The following ZSWIM5 variants were observed in gnomAD, a reference collection of about 807,000 sequenced individuals.
The protein encoded by ZSWIM5 is zinc finger SWIM domain-containing protein 5.
In ZSWIM5, 55 loss-of-function variants were observed where a neutral mutation model predicts 119.6. The ratio of observed to expected loss-of-function variants is 0.46; its 90% CI spans 0.37 to 0.58. ZSWIM5 has a LOEUF of 0.58. Ranked by LOEUF, ZSWIM5 falls within the 20% of genes least tolerant of loss-of-function variation. ZSWIM5 has a pLI of 0.00. For synonymous variants in ZSWIM5, 537 were observed against 606.9 expected, an observed-to-expected ratio of 0.88 and a Z score of 1.69; for missense variants, 1,193 against 1,512.8, an observed-to-expected ratio of 0.79 and a Z score of 3.51.
At chr1:45,068,222 C>T (rs552260956) in intron 2 of ZSWIM5, among the ~76,000 whole-genome samples, 1 of 150,568 alleles carries the variant, frequency 6.6e-6, no homozygotes, top group East Asian at 2.0e-4. Context: ...CCTGCCTCAG[C>T]CTCCCAAGTG....
chr1:45,131,087 GGA>G (rs1354548060), intron 1 of ZSWIM5, among the ~76,000 whole-genome samples: 2 of 152,138 alleles, frequency 1.3e-5, no homozygotes, highest in Non-Finnish European at 2.9e-5. Flanking sequence ...GGATGTTGAT[GGA>G]GAGAGTAATA....
intron 1 of ZSWIM5, among the ~76,000 whole-genome samples, chr1:45,129,153 GTTT>G (rs869042927): frequency 1.1e-3 from 77 of 70,148 alleles, no homozygotes; most frequent in African/African-American, 4.2e-3. Flanking sequence ...CATACATCTT[GTTT>G]TTTTTTTTTT....
At chr1:45,179,432 G>A (rs1207105669) in intron 1 of ZSWIM5, among the ~76,000 whole-genome samples, 2 of 151,954 alleles carry the variant, frequency 1.3e-5, no homozygotes, top group African/African-American at 4.8e-5. Context: ...AACAGACACT[G>A]ATGAATACAA....
chr1:45,129,387 G>A (rs1645641164), intron 1 of ZSWIM5, among the ~76,000 whole-genome samples: 1 of 151,868 alleles, frequency 6.6e-6, no homozygotes, highest in Non-Finnish European at 1.5e-5. Flanking sequence ...TCGATATCCT[G>A]ACCTCGTGAT....
intron 1 of ZSWIM5, among the ~76,000 whole-genome samples, chr1:45,203,464 G>A (rs886831600): frequency 6.6e-6 from 1 of 151,740 alleles, no homozygotes; most frequent in African/African-American, 2.4e-5. Flanking sequence ...CTAAAGCATC[G>A]GCCTTCAGTA....
chr1:45,116,027 G>A (rs986652064), intron 1 of ZSWIM5, among the ~76,000 whole-genome samples: 2 of 152,114 alleles, frequency 1.3e-5, no homozygotes, highest in African/African-American at 4.8e-5. Flanking sequence ...GAATCAGGCA[G>A]GGAGGTTGCA....
chr1:45,032,228 G>C (rs867346250), intron 11 of ZSWIM5, among the ~76,000 whole-genome samples: 1 of 151,970 alleles, frequency 6.6e-6, no homozygotes, highest in African/African-American at 2.4e-5. Flanking sequence ...TCCTGGGCTT[G>C]AGCAGTCCTT....
intron 11 of ZSWIM5, among the ~76,000 whole-genome samples, chr1:45,029,099 C>A: frequency 1.3e-5 from 2 of 152,344 alleles, no homozygotes; most frequent in Middle Eastern, 6.8e-3. Flanking sequence ...TCTCCTACAC[C>A]CACAAGACAA....
chr1:45,027,680 T>A (rs1644928972), intron 11 of ZSWIM5, among the ~76,000 whole-genome samples: 1 of 152,026 alleles, frequency 6.6e-6, no homozygotes, highest in African/African-American at 2.4e-5. Context: ...CATGAACCAC[T>A]GCACCTGGCC....
At chr1:45,078,964 A>T (rs978038430) in intron 2 of ZSWIM5, among the ~76,000 whole-genome samples, 1 of 152,242 alleles carries the variant, frequency 6.6e-6, no homozygotes, top group Non-Finnish European at 1.5e-5. Context: ...GTATAGGTCC[A>T]GATGGCCCGA....
rs183552035 is a variant in ZSWIM5 at position 45,069,237 on chromosome 1, T to G, written c.953-8990A>C. On this transcript the variant is annotated intron_variant, in intron 2 of 13. Transcript: ENST00000359600. ...GTCAGCAGATCGAGACCATCCTGGC[T>G]AACACGGTGACACCCCGTCTCTACT... Among the ~76,000 whole-genome samples the G allele has an allele frequency of 5.4e-3, 814 of 152,058 alleles. 7 individuals carry two copies. Among genetic ancestry groups the G allele is most frequent in the African/African-American group, 0.018 (754 of 41,470 alleles).
rs1419732611 is a variant in ZSWIM5 at position 45,206,497 on chromosome 1, G to A, written c.-147C>T. The A allele has an allele frequency of 8.8e-7, 1 of 1,138,300 alleles. No homozygotes were observed. The highest frequency in any genetic ancestry group is 4.8e-5 in the Admixed American group (1 of 20,628). The allele number at this position is 1,138,300 out of a possible 1,614,324, so 70.5% of individuals were successfully genotyped here. On this transcript the variant is annotated 5_prime_UTR_variant, in exon 1 of 14. Coordinates refer to ENST00000359600, the MANE Select transcript of ZSWIM5 (RefSeq NM_020883.2). ...AGAACCCGCGAGCCAGCCGGCCCGA[G>A]TGGGGAACCGCGGCCGGGCCCGGGA...
chr1:45,176,464 C>G (rs967308986), intron 1 of ZSWIM5, among the ~76,000 whole-genome samples: 4 of 152,008 alleles, frequency 2.6e-5, no homozygotes, highest in Non-Finnish European at 5.9e-5. Context: ...GGGGTTTCGT[C>G]ATGTTGGCCA....
chr1:45,187,881 A>G (rs1646068588), intron 1 of ZSWIM5, among the ~76,000 whole-genome samples: 1 of 152,200 alleles, frequency 6.6e-6, no homozygotes, highest in Middle Eastern at 3.2e-3. Context: ...TGCAAATCCA[A>G]ACCAACCACA....
At chr1:45,132,802 C>T (rs1645666067) in intron 1 of ZSWIM5, among the ~76,000 whole-genome samples, 1 of 152,060 alleles carries the variant, frequency 6.6e-6, no homozygotes, top group South Asian at 2.1e-4. Context: ...GTGATGTTCC[C>T]CTTCCTGTGT....
At chr1:45,026,043 T>C (rs1644918575) in intron 11 of ZSWIM5, among the ~76,000 whole-genome samples, 1 of 152,132 alleles carries the variant, frequency 6.6e-6, no homozygotes, top group Admixed American at 6.6e-5. Flanking sequence ...TAGTTAGTTG[T>C]AGGTTTTATT....
At chr1:45,117,062 C>T (rs575370367) in intron 1 of ZSWIM5, among the ~76,000 whole-genome samples, 1 of 152,130 alleles carries the variant, frequency 6.6e-6, no homozygotes, top group Non-Finnish European at 1.5e-5. Flanking sequence ...CAGGAACCTA[C>T]ACAGAAGGCA....
chr1:45,075,479 T>C (rs1268605121), intron 2 of ZSWIM5, among the ~76,000 whole-genome samples: 2 of 152,194 alleles, frequency 1.3e-5, no homozygotes, highest in African/African-American at 4.8e-5. Context: ...TCTCTTCTTT[T>C]AGTTTTTGTC....
intron 1 of ZSWIM5, among the ~76,000 whole-genome samples, chr1:45,178,370 G>A (rs767049036): frequency 6.6e-6 from 1 of 152,078 alleles, no homozygotes; most frequent in Non-Finnish European, 1.5e-5. Flanking sequence ...GATGCAGTGG[G>A]CCAGGATGGC....
Sources: allele counts gnomAD v4.1 joint callset (sites outside exome capture counted in the v4.1 genomes callset), GRCh38; gene constraint gnomAD v4.1.1; transcripts MANE v1.5; gene names NCBI Gene and HGNC (gene_info 2026-07-23, HGNC 2026-07-21).